Variants in ATP6V0A4 observed in about 807,000 individuals in gnomAD.
ATP6V0A4 encodes ATPase H+ transporting V0 subunit a4.
In ATP6V0A4, 86 loss-of-function variants were observed where a neutral mutation model predicts 107.3. The ratio of observed to expected loss-of-function variants is 0.80; its 90% CI spans 0.67 to 0.96. The LOEUF (loss-of-function observed/expected upper bound fraction) is 0.96. Ranked by LOEUF, ATP6V0A4 falls within the 40% of genes least tolerant of loss-of-function variation. The pLI, the probability that ATP6V0A4 is intolerant of heterozygous loss-of-function variation, is 0.00. For missense variants in ATP6V0A4, 908 were observed against 1,045.6 expected (o/e 0.87, Z 1.81); for synonymous variants, 353 against 381.4 (o/e 0.93, Z 0.87).
intron 9 of ATP6V0A4, 162 bp from the exon 10 acceptor site, chr7:138,755,944 G>GAGTCCCAGTCATAAGT: frequency 2.3e-6 from 3 of 1,309,694 alleles, no homozygotes; most frequent in Non-Finnish European, 3.2e-6. Context: ...CAGTCATAAG[G>GAGTCCCAGTCATAAGT]GTTCCCAGTA....
rs374791119 is a variant in ATP6V0A4 at position 138,759,819 on chromosome 7, C to T, written c.572G>A (p.Arg191Gln). 9 of 1,614,102 alleles carry T rather than the reference C, an allele frequency of 5.6e-6. No homozygotes were observed. The East Asian group carries it at 6.7e-5, about 12-fold the overall frequency. ...CAAGTACACGTTTCCTCGGCAGATT[C>T]GCCACAGTAACCGCTCAAAGGAAGC... is the stretch of plus-strand genomic sequence containing the variant. ...RMASFERLLW[R>Q]ICRGNVYLKF... The change falls in exon 8 of 22, where the codon CGA becomes CAA. Residue 191 changes from arginine to glutamine, a missense_variant. Transcript: ENST00000310018.
intron 1 of ATP6V0A4, among the ~76,000 whole-genome samples, chr7:138,791,798 A>G (rs1018131266): frequency 6.6e-6 from 1 of 152,246 alleles, no homozygotes; most frequent in Non-Finnish European, 1.5e-5. Flanking sequence ...CACTCCACTG[A>G]GGGAATACTA....
intron 20 of ATP6V0A4, among the ~76,000 whole-genome samples, chr7:138,710,208 C>G (rs56062539): frequency 7.1e-6 from 1 of 140,866 alleles, no homozygotes; most frequent in Non-Finnish European, 1.5e-5. Context: ...TTTTTTTTTT[C>G]GAGACAGAGT....
chr7:138,758,430 C>T (rs1421420251), intron 8 of ATP6V0A4, among the ~76,000 whole-genome samples: 1 of 151,972 alleles, frequency 6.6e-6, no homozygotes, highest in Non-Finnish European at 1.5e-5. Flanking sequence ...TGTTTTTCAT[C>T]AAAATGAATT....
intron 2 of ATP6V0A4, among the ~76,000 whole-genome samples, chr7:138,777,579 C>T (rs960690766): frequency 5.4e-5 from 8 of 147,522 alleles, no homozygotes; most frequent in Admixed American, 1.4e-4. Flanking sequence ...CGTGCCATTG[C>T]ACCCCAGCCT....
At chr7:138,752,892 A>G in intron 10 of ATP6V0A4, 55 bp from the exon 11 acceptor site, 1 of 1,600,432 alleles carries the variant, frequency 6.2e-7, no homozygotes, top group Non-Finnish European at 8.5e-7. Flanking sequence ...GCTGTTTGAC[A>G]AGGTGCCAAA....
chr7:138,747,137 G>A (rs915819553), intron 13 of ATP6V0A4, among the ~76,000 whole-genome samples: 10 of 151,890 alleles, frequency 6.6e-5, no homozygotes, highest in Admixed American at 1.3e-4. Flanking sequence ...ATTATGTATT[G>A]CTTTCATAAT....
At chr7:138,786,591 A>AAT (rs1808188095) in intron 1 of ATP6V0A4, among the ~76,000 whole-genome samples, 1 of 151,612 alleles carries the variant, frequency 6.6e-6, no homozygotes, top group Non-Finnish European at 1.5e-5. Flanking sequence ...GAAAAAAAAA[A>AAT]AAGAGAGACA....
chr7:138,762,768 G>A (rs1433051556), intron 6 of ATP6V0A4, 132 bp downstream of exon 6: 13 of 1,107,704 alleles, frequency 1.2e-5, no homozygotes, highest in East Asian at 4.7e-5. Flanking sequence ...ATACTCCCCC[G>A]CCCTCACCAA....
At chr7:138,756,707 G>T in intron 8 of ATP6V0A4, 167 bp from the exon 9 acceptor site, 1 of 495,840 alleles carries the variant, frequency 2.0e-6, no homozygotes, top group Non-Finnish European at 2.6e-6. Flanking sequence ...ACAGTTGAGA[G>T]CAAGGCCATC....
At position 138,715,627 on chromosome 7, in the gene ATP6V0A4, C is replaced by T. The variant is rs372818899; in HGVS notation, c.2257+137G>A. On this transcript the variant is annotated intron_variant, in intron 20 of 21. Transcript: ENST00000310018. ...AGACCCACAGAAAAGGCACCTGTGC[C>T]TGGGAAAGAAGAGTCATTCTTTTGG... is the stretch of plus-strand genomic sequence containing the variant. The T allele has an allele frequency of 1.7e-3, 2,212 of 1,293,242 alleles. 52 individuals are homozygous for T. The South Asian group carries it at 0.024, about 14-fold the overall frequency. 80.1% of individuals were successfully genotyped at this position (1,293,242 alleles called of 1,614,324 possible). A position where few individuals can be genotyped will look rare whatever the true frequency, so the allele number is the denominator to read the frequency against.
intron 14 of ATP6V0A4, among the ~76,000 whole-genome samples, chr7:138,740,616 AT>A (rs1180934296): frequency 7.1e-6 from 1 of 140,700 alleles, no homozygotes; most frequent in East Asian, 2.2e-4. Context: ...TAATTTTTGT[AT>A]TTTTAGTAGA....
chr7:138,768,365 A>C (rs1463364030), intron 5 of ATP6V0A4, among the ~76,000 whole-genome samples: 1 of 152,174 alleles, frequency 6.6e-6, no homozygotes, highest in African/African-American at 2.4e-5. Flanking sequence ...CCAGTCAGAG[A>C]AGCAGCTTCC....
At position 138,778,825 on chromosome 7, in the gene ATP6V0A4, G is replaced by C. The variant is rs138555428; in HGVS notation, c.-18+7333C>G. Among the ~76,000 whole-genome samples, 4 of 152,098 alleles carry C rather than the reference G, an allele frequency of 2.6e-5. No individual in the cohort carries two copies. In the East Asian group the frequency reaches 7.8e-4, roughly 30 times the overall value. On this transcript the variant is annotated intron_variant, in intron 2 of 21. Transcript: ENST00000310018. ...AAGGCTCCCTTGTTTGCCCCTGTTG[G>C]GGGTGTCAGAAGAAACCTAATCAGA...
At chr7:138,743,940 T>C (rs558020971) in intron 14 of ATP6V0A4, among the ~76,000 whole-genome samples, 99 of 152,294 alleles carry the variant, frequency 6.5e-4, no homozygotes, top group Non-Finnish European at 1.3e-3. Flanking sequence ...GAGTCCCCTG[T>C]TCTCCCCCAG....
intron 2 of ATP6V0A4, among the ~76,000 whole-genome samples, chr7:138,771,552 C>T (rs1014560941): frequency 7.9e-5 from 12 of 152,110 alleles, no homozygotes; most frequent in African/African-American, 2.9e-4. Flanking sequence ...CAGGTGTGCA[C>T]CAGGATGCCC....
chr7:138,717,909 GAAAAAAAAAAA>G lies in ATP6V0A4; in HGVS notation c.2140-2039_2140-2029del. Among the ~76,000 whole-genome samples the G allele has an allele frequency of 2.8e-5, 2 of 70,936 alleles. 1 individual carries two copies. The highest frequency in any genetic ancestry group is 1.1e-4 in the African/African-American group (2 of 18,408). 46.5% of individuals were successfully genotyped at this position (70,936 alleles called of 152,430 possible). Reference sequence around the variant, plus strand: ...GGCGACACAGTGAGACTCTGTCTCGGAAAAAAAAAAAAAAAAAAAAAGAGTGAGATGAGATA... The same window carrying G: ...GGCGACACAGTGAGACTCTGTCTCGGAAAAAAAAAAGAGTGAGATGAGATA... On this transcript the variant is annotated intron_variant, in intron 19 of 21. Coordinates refer to ENST00000310018, the MANE Select transcript of ATP6V0A4 (RefSeq NM_020632.3).
chr7:138,759,282 T>C (rs1284267320), intron 8 of ATP6V0A4, among the ~76,000 whole-genome samples: 2 of 151,838 alleles, frequency 1.3e-5, no homozygotes, highest in Non-Finnish European at 2.9e-5. Flanking sequence ...CTCAATCCCC[T>C]GACCTCAAAC....
chr7:138,752,817 A>T lies in ATP6V0A4; in HGVS notation c.837T>A (p.Ser279=). The change falls in exon 11 of 22, where the codon TCT becomes TCA. Residue 279 remains serine (S), a synonymous_variant. Coordinates refer to ENST00000310018, the MANE Select transcript of ATP6V0A4 (RefSeq NM_020632.3). ...CTTCCTGCAGCAGGCGCTGGCGGTGAGACTCTGTTTGTGTTATGACCTATA... is the reference window on the plus strand; with the variant it reads ...CTTCCTGCAGCAGGCGCTGGCGGTGTGACTCTGTTTGTGTTATGACCTATA... ...DLITVITQTE[S]HRQRLLQEAA... is the part of the protein sequence containing the mutation. The T allele has an allele frequency of 2.5e-6, 4 of 1,614,108 alleles. No homozygotes were observed. Among genetic ancestry groups the T allele is most frequent in the Non-Finnish European group, 2.5e-6 (3 of 1,180,018 alleles).
Sources: gnomAD v4.1 joint callset for allele counts (sites outside exome capture counted in the v4.1 genomes callset) on GRCh38, gnomAD v4.1.1 for gene constraint, MANE v1.5 for transcripts, NCBI Gene and HGNC (gene_info 2026-07-23, HGNC 2026-07-21) for gene names.